The following DYNC2H1 variants were observed in gnomAD, a reference collection of about 807,000 sequenced individuals.
DYNC2H1 encodes cytoplasmic dynein 2 heavy chain 1.
DYNC2H1 carries 410 observed loss-of-function variants against 570.0 expected under a neutral mutation model. The observed-to-expected ratio is 0.72, with a 90% CI of 0.66 to 0.78. DYNC2H1 has a LOEUF of 0.78. DYNC2H1 is among the 30% of genes least tolerant of loss of function. The probability of loss-of-function intolerance (pLI) is 0.00; values close to 1 mark genes in which losing one functional copy is unlikely to be tolerated. For missense variants in DYNC2H1, 4,865 were observed against 5,046.4 expected (o/e 0.96, Z 1.09); for synonymous variants, 1,688 against 1,677.6 (o/e 1.01, Z -0.15).
In DYNC2H1 at chr11:103,171,011, G is replaced by T; in HGVS notation, c.5277G>T (p.Gln1759His). 6.2e-7 allele frequency: 1 copy of T among 1,612,288 alleles called. No individual in the cohort carries two copies. Among genetic ancestry groups the T allele is most frequent in the Non-Finnish European group, 8.5e-7 (1 of 1,178,904 alleles). Residue 1759 changes from glutamine to histidine, a missense_variant, in exon 34 of 89, where the codon CAG becomes CAT. Gln to His is a conservative substitution (Grantham distance 24, BLOSUM62 0). Transcript: ENST00000375735. ...SVLSAVSMQI[Q>H]TIQDALKNHR... is the part of the protein sequence containing the mutation. ...TGTCAGCAGTTTCTATGCAAATCCA[G>T]ACAATTCAAGATGCTTTGAAGAATC...
At chr11:103,421,429 A>G (rs1191600671) in intron 84 of DYNC2H1, among the ~76,000 whole-genome samples, 2 of 152,128 alleles carry the variant, frequency 1.3e-5, no homozygotes, top group African/African-American at 4.8e-5. Context: ...GGTACATACT[A>G]TAAAATTGAT....
At chr11:103,436,097 CATTGTGCT>C in intron 85 of DYNC2H1, 65 bp downstream of exon 85, 1 of 1,393,620 alleles carries the variant, frequency 7.2e-7, no homozygotes, top group South Asian at 1.3e-5. Context: ...TAGAGATAAC[CATTGTGCT>C]AATCACTAGT....
chr11:103,235,050 C>T (rs946556580), intron 61 of DYNC2H1, among the ~76,000 whole-genome samples: 1 of 151,874 alleles, frequency 6.6e-6, no homozygotes, highest in Non-Finnish European at 1.5e-5. Flanking sequence ...ATCCTCCTAT[C>T]TGACCCTTTA....
intron 63 of DYNC2H1, among the ~76,000 whole-genome samples, chr11:103,242,142 A>G (rs1220236817): frequency 6.6e-6 from 1 of 152,092 alleles, no homozygotes; most frequent in Non-Finnish European, 1.5e-5. Context: ...ATGGGGTTAT[A>G]CATTTTTATA....
At position 103,155,332 on chromosome 11, in the gene DYNC2H1, T is replaced by G; in HGVS notation, c.3575T>G (p.Ile1192Ser). 1 of 1,596,220 alleles carries G rather than the reference T, an allele frequency of 6.3e-7. No individual in the cohort carries two copies. Among genetic ancestry groups the G allele is most frequent in the South Asian group, 1.2e-5 (1 of 86,180 alleles). The change falls in exon 25 of 89, where the codon ATC (isoleucine) becomes AGC (serine). Residue 1192 changes from isoleucine to serine, a missense_variant and splice_region_variant. This residue lies in a region of DYNC2H1 where 1,936 missense variants were observed against 1,962.1 expected (regional missense o/e 0.99). Coordinates refer to ENST00000375735, the MANE Select transcript of DYNC2H1 (RefSeq NM_001377.3). Reference sequence around the variant, plus strand: ...TTTTCTTTTTTTTTTTTGTAACAGATCGTAATTCCTATCTTGAAATATGTG... The same window carrying G: ...TTTTCTTTTTTTTTTTTGTAACAGAGCGTAATTCCTATCTTGAAATATGTG... ...KLQSEVDKYK[I>S]VIPILKYVRG... is the part of the protein sequence containing the mutation.
At chr11:103,225,042 G>A (rs1325561084) in intron 59 of DYNC2H1, among the ~76,000 whole-genome samples, 3 of 151,944 alleles carry the variant, frequency 2.0e-5, no homozygotes, top group African/African-American at 2.4e-5. Context: ...GGCCATTTGT[G>A]TATCTTCTTT....
At chr11:103,196,623 A>G (rs672776) in intron 47 of DYNC2H1, among the ~76,000 whole-genome samples, 141,810 of 152,120 alleles carry the variant, frequency 0.93, 66,130 homozygotes, top group African/African-American at 0.94. Context: ...GGAGAATTTT[A>G]GAATTAAAAG....
intron 83 of DYNC2H1, among the ~76,000 whole-genome samples, chr11:103,375,257 A>T (rs1045435522): frequency 6.6e-6 from 1 of 152,226 alleles, no homozygotes; most frequent in Non-Finnish European, 1.5e-5. Flanking sequence ...GTATGGTAAT[A>T]GATGGATGTC....
In DYNC2H1 at chr11:103,170,385, A is replaced by G. The variant is rs1222025565; in HGVS notation, c.5151+95A>G. On this transcript the variant is annotated intron_variant, in intron 33 of 88. Transcript: ENST00000375735. This position sits in a 1 kb window ranked among gnomAD's most constrained non-coding sequence, Gnocchi z 4.8. ...TGAAATACTCTACTTAAAAATCACT[A>G]CATTTAAATTAGTTGAAGACAGAAT... 1.4e-5 allele frequency: 17 copies of G among 1,208,246 alleles called. No homozygotes were observed. Among genetic ancestry groups the G allele is most frequent in the Non-Finnish European group, 1.7e-5 (15 of 903,392 alleles). The allele number at this position is 1,208,246 out of a possible 1,614,324, so 74.8% of individuals were successfully genotyped here.
At chr11:103,394,883 C>G (rs900915024) in intron 83 of DYNC2H1, among the ~76,000 whole-genome samples, 1 of 151,942 alleles carries the variant, frequency 6.6e-6, no homozygotes, top group African/African-American at 2.4e-5. Flanking sequence ...AGTAAGGCAG[C>G]CAGCTATCCT....
intron 82 of DYNC2H1, among the ~76,000 whole-genome samples, chr11:103,348,156 G>A (rs1939848796): frequency 6.6e-6 from 1 of 152,094 alleles, no homozygotes; most frequent in Admixed American, 6.6e-5. Context: ...TGTGTTCAGT[G>A]GCACTATCAG....
At position 103,133,773 on chromosome 11, in the gene DYNC2H1, A is replaced by G; in HGVS notation, c.2106+66A>G. 2 of 1,427,922 alleles carry G rather than the reference A, an allele frequency of 1.4e-6. No homozygotes were observed. Among genetic ancestry groups the G allele is most frequent in the South Asian group, 2.8e-5 (2 of 70,378 alleles). 88.5% of individuals were successfully genotyped at this position (1,427,922 alleles called of 1,614,324 possible). ...TTATTTAAAAAGTCATTAAGATACA[A>G]TTTTTAAAAACTTATTTTGAAATAA... On this transcript the variant is annotated intron_variant, in intron 14 of 88. Transcript: ENST00000375735. The surrounding 1 kb of genome is among the most constrained non-coding windows in gnomAD (Gnocchi z 4.8).
At chr11:103,353,863 G>C (rs1828827268) in intron 82 of DYNC2H1, among the ~76,000 whole-genome samples, 1 of 151,836 alleles carries the variant, frequency 6.6e-6, no homozygotes, top group Non-Finnish European at 1.5e-5. Flanking sequence ...GATTTATTTG[G>C]ATTCATTAAT....
At chr11:103,166,258 T>C (rs969260944) in intron 31 of DYNC2H1, among the ~76,000 whole-genome samples, 2 of 152,194 alleles carry the variant, frequency 1.3e-5, no homozygotes, top group African/African-American at 4.8e-5. Flanking sequence ...TATAGGCTTC[T>C]TTATCCTCTC....
At chr11:103,417,700 AC>A (rs1465877287) in intron 84 of DYNC2H1, among the ~76,000 whole-genome samples, 9 of 151,878 alleles carry the variant, frequency 5.9e-5, no homozygotes, top group African/African-American at 2.2e-4. Flanking sequence ...ACATGGTGAA[AC>A]CGTGTCTCTA....
At chr11:103,217,553 C>T (rs1565404039) in intron 55 of DYNC2H1, among the ~76,000 whole-genome samples, 1 of 152,076 alleles carries the variant, frequency 6.6e-6, no homozygotes, top group South Asian at 2.1e-4. Context: ...AAGCCCAGAA[C>T]CTTTACCTTT....
chr11:103,315,906 A>G (rs528193623), intron 79 of DYNC2H1, among the ~76,000 whole-genome samples: 5 of 146,746 alleles, frequency 3.4e-5, no homozygotes, highest in East Asian at 4.0e-4. Context: ...TGAAATTTGT[A>G]TCAGTATTCC....
At chr11:103,415,214 T>C (rs1943239696) in intron 84 of DYNC2H1, among the ~76,000 whole-genome samples, 1 of 152,124 alleles carries the variant, frequency 6.6e-6, no homozygotes. Flanking sequence ...ATAAAAACCC[T>C]AGAAGAAAAC....
chr11:103,373,863 T>C (rs1941280861), intron 83 of DYNC2H1, among the ~76,000 whole-genome samples: 1 of 152,164 alleles, frequency 6.6e-6, no homozygotes, highest in African/African-American at 2.4e-5. Context: ...ATTTTGGTGC[T>C]TTTCTGTTGG....
Sources: allele counts gnomAD v4.1 joint callset (sites outside exome capture counted in the v4.1 genomes callset), GRCh38; gene constraint gnomAD v4.1.1; regional missense constraint gnomAD v4.1.1; non-coding constraint Gnocchi (gnomAD v3.1); transcripts MANE v1.5; gene names NCBI Gene and HGNC (gene_info 2026-07-23, HGNC 2026-07-21).